Variants in CFAP100 observed in about 807,000 individuals in gnomAD.
CFAP100 encodes the protein cilia and flagella associated protein 100, also known as cilia- and flagella-associated protein 100.
CFAP100 carries 70 observed loss-of-function variants against 81.5 expected under a neutral mutation model. The observed-to-expected ratio is 0.86, with a 90% confidence interval of 0.71 to 1.05. The LOEUF (loss-of-function observed/expected upper bound fraction) is 1.05. CFAP100 is among the 50% of genes least tolerant of loss of function. The probability of loss-of-function intolerance (pLI) is 0.00; values close to 1 mark genes in which losing one functional copy is unlikely to be tolerated. For synonymous variants in CFAP100, 341 were observed against 314.8 expected (o/e 1.08, Z -0.88); for missense variants, 811 against 776.5 (o/e 1.04, Z -0.53).
At chr3:126,431,887 C>T (rs1267068420) in intron 13 of CFAP100, among the ~76,000 whole-genome samples, 1 of 150,778 alleles carries the variant, frequency 6.6e-6, no homozygotes, top group Non-Finnish European at 1.5e-5. Context: ...AGGCCTAAGA[C>T]TCTGCATTTC....
intron 2 of CFAP100, among the ~76,000 whole-genome samples, chr3:126,401,124 T>C (rs1182564473): frequency 6.7e-6 from 1 of 148,968 alleles, no homozygotes; most frequent in Admixed American, 6.7e-5. Context: ...TATAAGTGAG[T>C]GGAGCAGTCA....
rs1212220589 is a variant in CFAP100 at position 126,419,101 on chromosome 3, A to G, written c.676A>G (p.Ile226Val). ...RAAEKETKAK[I>V]EKILEIRDLT... ...GGCTGAGAAGGAGACCAAAGCCAAG[A>G]TAGAGAAGATCCTTGAGATCCGGGA... is the stretch of plus-strand genomic sequence containing the variant. Residue 226 changes from isoleucine (I) to valine (V), a missense_variant, in exon 8 of 17, where the codon ATA becomes GTA. Ile to Val is a conservative substitution (Grantham distance 29). Transcript: ENST00000352312. The G allele has an allele frequency of 3.1e-6, 5 of 1,589,394 alleles. No individual in the cohort carries two copies. Among genetic ancestry groups the G allele is most frequent in the Non-Finnish European group, 4.3e-6 (5 of 1,167,330 alleles).
chr3:126,421,190 G>A (rs964190422), intron 11 of CFAP100, among the ~76,000 whole-genome samples: 1 of 152,084 alleles, frequency 6.6e-6, no homozygotes, highest in African/African-American at 2.4e-5. Flanking sequence ...TTTTAGTAGA[G>A]ACGGGGTTTT....
chr3:126,418,284 T>TA (rs1315022005), intron 5 of CFAP100, 174 bp from the exon 6 acceptor site: 2 of 612,326 alleles, frequency 3.3e-6, no homozygotes, highest in African/African-American at 3.7e-5. Context: ...CAGAGCCTTC[T>TA]CTCTTTTTGT....
rs1433715278 is a variant in CFAP100 at position 126,434,264 on chromosome 3, T to A, written c.1511T>A (p.Val504Glu). The A allele has an allele frequency of 6.2e-7, 1 of 1,613,872 alleles. No homozygotes were observed. Among genetic ancestry groups the A allele is most frequent in the Non-Finnish European group, 8.5e-7 (1 of 1,180,030 alleles). ...GTQQEANLGT[V>E]QMLTIIEHQL... ...CAGCAGGAGGCCAACCTGGGCACCG[T>A]GCAGATGCTGACCATCATTGAGCAC... is the stretch of plus-strand genomic sequence containing the variant. Residue 504 changes from valine to glutamate, a missense_variant, in exon 15 of 17, where the codon GTG becomes GAG. Transcript: ENST00000352312.
chr3:126,412,713 C>T (rs1310201767), intron 3 of CFAP100, among the ~76,000 whole-genome samples: 1 of 152,178 alleles, frequency 6.6e-6, no homozygotes, highest in Non-Finnish European at 1.5e-5. Context: ...CATCAATCAT[C>T]TTCACATGAA....
rs768710975 is a variant in CFAP100 at position 126,423,587 on chromosome 3, A to G, written c.1229A>G (p.Glu410Gly). The G allele has an allele frequency of 6.8e-6, 11 of 1,612,284 alleles. No individual in the cohort carries two copies. The highest frequency in any genetic ancestry group is 9.3e-6 in the Non-Finnish European group (11 of 1,178,584). The change falls in exon 13 of 17, where the codon GAG becomes GGG. Residue 410 changes from glutamate to glycine, a missense_variant. Coordinates refer to ENST00000352312, the MANE Select transcript of CFAP100 (RefSeq NM_182628.3). ...QNLSLIQNSQ[E>G]TEKTLEELSH... ...CTGTCGCTGATCCAGAACAGCCAGGAGACGGAGAAGACCCTGGAGGAGCTG... is the reference window on the plus strand; with the variant it reads ...CTGTCGCTGATCCAGAACAGCCAGGGGACGGAGAAGACCCTGGAGGAGCTG...
At chr3:126,433,261 C>T in intron 14 of CFAP100, 57 bp downstream of exon 14, 1 of 1,594,202 alleles carries the variant, frequency 6.3e-7, no homozygotes, top group Non-Finnish European at 8.6e-7. Flanking sequence ...CCTTGGGCAC[C>T]CACTGGAGGA....
intron 11 of CFAP100, among the ~76,000 whole-genome samples, chr3:126,421,882 G>C (rs1193266902): frequency 1.3e-5 from 2 of 152,244 alleles, no homozygotes; most frequent in Non-Finnish European, 2.9e-5. Flanking sequence ...CTGCTGGTGG[G>C]GGGACATTTC....
rs1049210008 is a variant in CFAP100, at chr3:126,418,472, C to G, written c.433C>G (p.Pro145Ala). ...TCTTCCAGCAGAAAAGAATGTGGAG[C>G]CTGAGAACATGAGTGGCTACATTAA... ...LTLTKEKNVE[P>A]ENMSGYIKQK... Residue 145 changes from proline to alanine, a missense_variant, in exon 6 of 17, where the codon CCT (proline) becomes GCT (alanine). Pro to Ala is a conservative substitution (Grantham distance 27). Transcript: ENST00000352312. 1.9e-6 allele frequency: 3 copies of G among 1,613,990 alleles called. No homozygotes were observed. Among genetic ancestry groups the G allele is most frequent in the Non-Finnish European group, 2.5e-6 (3 of 1,180,022 alleles).
intron 13 of CFAP100, among the ~76,000 whole-genome samples, chr3:126,425,621 G>A (rs1474876670): frequency 3.3e-5 from 5 of 152,134 alleles, no homozygotes; most frequent in Non-Finnish European, 7.4e-5. Flanking sequence ...TACAAGAAAG[G>A]AAAAGTAGAC....
chr3:126,406,207 GC>G (rs1277774803), intron 2 of CFAP100, among the ~76,000 whole-genome samples: 1 of 152,112 alleles, frequency 6.6e-6, no homozygotes, highest in Non-Finnish European at 1.5e-5. Context: ...CTGAGTTTCA[GC>G]CCAGGCCTGG....
rs140320155 is a variant in CFAP100, at chr3:126,400,738, C to T, written c.49+4689C>T. Among the ~76,000 whole-genome samples the T allele has an allele frequency of 1.5e-3, 233 of 151,320 alleles. 1 individual carries two copies. The highest frequency in any genetic ancestry group is 5.4e-3 in the African/African-American group (221 of 41,256). ...CTGCACTCCAGCCTGGGCGACAGAGCGAGACTCCGTCTCAAAAAAAAAAGA... is the reference window on the plus strand; with the variant it reads ...CTGCACTCCAGCCTGGGCGACAGAGTGAGACTCCGTCTCAAAAAAAAAAGA... On this transcript the variant is annotated intron_variant, in intron 2 of 16. Coordinates refer to ENST00000352312, the MANE Select transcript of CFAP100 (RefSeq NM_182628.3).
chr3:126,435,685 G>C lies in CFAP100; in HGVS notation c.1722+33G>C, dbSNP rs749219046. ...GGGTCGCCTTGGGGGGTCTCTGCTG[G>C]AGGGGGTCCCAAGACAGCATGGCAG... On this transcript the variant is annotated intron_variant, in intron 16 of 16. Coordinates refer to ENST00000352312, the MANE Select transcript of CFAP100 (RefSeq NM_182628.3). 1.0e-4 allele frequency: 158 copies of C among 1,567,228 alleles called. 1 individual carries two copies. The South Asian group carries it at 1.7e-3, about 17-fold the overall frequency.
intron 2 of CFAP100, among the ~76,000 whole-genome samples, chr3:126,403,355 G>T (rs1265765781): frequency 1.3e-5 from 2 of 151,658 alleles, no homozygotes; most frequent in African/African-American, 4.8e-5. Context: ...TGTCACATGA[G>T]TGGAGTGCCC....
At chr3:126,419,549 A>T in intron 8 of CFAP100, 88 bp from the exon 9 acceptor site, 1 of 1,238,456 alleles carries the variant, frequency 8.1e-7, no homozygotes, top group Non-Finnish European at 1.2e-6. Context: ...AGACTTGGCC[A>T]GGATGGAGGG....
chr3:126,406,813 A>T (rs910949659), intron 2 of CFAP100, among the ~76,000 whole-genome samples: 2 of 152,182 alleles, frequency 1.3e-5, no homozygotes, highest in East Asian at 3.9e-4. Context: ...GGCACTGGCC[A>T]CGCCGGGGTC....
At position 126,408,049 on chromosome 3, in the gene CFAP100, C is replaced by A. The variant is rs1012565719; in HGVS notation, c.130+797C>A. On this transcript the variant is annotated intron_variant, in intron 3 of 16. Coordinates refer to ENST00000352312, the MANE Select transcript of CFAP100 (RefSeq NM_182628.3). ...CCCACCCCTCTCCCCACCACATTTC[C>A]TCTCTTTTATTATTATGAAATTATA... is the stretch of plus-strand genomic sequence containing the variant. Among the ~76,000 whole-genome samples the A allele has an allele frequency of 8.7e-4, 132 of 152,338 alleles. 1 individual carries two copies. Among genetic ancestry groups the A allele is most frequent in the African/African-American group, 3.1e-3 (127 of 41,586 alleles).
In CFAP100 at chr3:126,419,058, C is replaced by G. The variant is rs772303594; in HGVS notation, c.651-18C>G. On this transcript the variant is annotated intron_variant, in intron 7 of 16. Coordinates refer to ENST00000352312, the MANE Select transcript of CFAP100 (RefSeq NM_182628.3). ...GCCCCTTGCCCCCATCCCTCCTCCC[C>G]CGCCGCCCAACCCCTAGGGCTGAGA... is the stretch of plus-strand genomic sequence containing the variant. 2.7e-6 allele frequency: 4 copies of G among 1,461,260 alleles called. No individual in the cohort carries two copies. Among genetic ancestry groups the G allele is most frequent in the Admixed American group, 4.4e-5 (2 of 44,996 alleles). 90.5% of individuals were successfully genotyped at this position (1,461,260 alleles called of 1,614,324 possible). A position where few individuals can be genotyped will look rare whatever the true frequency, so the allele number is the denominator to read the frequency against.
Sources: allele counts gnomAD v4.1 joint callset (sites outside exome capture counted in the v4.1 genomes callset), GRCh38; gene constraint gnomAD v4.1.1; transcripts MANE v1.5; gene names NCBI Gene and HGNC (gene_info 2026-07-23, HGNC 2026-07-21).